SAE1: variants seen among roughly 807,000 people sequenced by gnomAD.
The protein encoded by SAE1 is SUMO-activating enzyme subunit 1.
A neutral mutation model predicts 40.6 loss-of-function variants in SAE1; 11 were observed. That is an observed-to-expected ratio of 0.27 (90% confidence interval 0.17 to 0.45). The LOEUF is 0.45. SAE1 is among the 20% of genes least tolerant of loss of function. The pLI is 1.00. For synonymous variants in SAE1, 155 were observed against 154.3 expected, an observed-to-expected ratio of 1.00 and a Z score of -0.03; for missense variants, 373 against 427.3, an observed-to-expected ratio of 0.87 and a Z score of 1.12.
chr19:47,150,315 G>C lies in SAE1; in HGVS notation c.324G>C (p.Val108=). 6.2e-7 allele frequency: 1 copy of C among 1,613,830 alleles called. No individual in the cohort carries two copies. Among genetic ancestry groups the C allele is most frequent in the Non-Finnish European group, 8.5e-7 (1 of 1,179,850 alleles). Residue 108 remains valine (V), a synonymous_variant, in exon 3 of 9, where the codon GTG becomes GTC. Coordinates refer to ENST00000270225, the MANE Select transcript of SAE1 (RefSeq NM_005500.3). ...RAQNLNPMVD[V]KVDTEDIEKK... is the part of the protein sequence containing the mutation. Reference sequence around the variant, plus strand: ...AGAATCTCAACCCCATGGTGGATGTGAAGGTGGACACTGAGGATATAGAGA... The same window carrying C: ...AGAATCTCAACCCCATGGTGGATGTCAAGGTGGACACTGAGGATATAGAGA...
intron 7 of SAE1, among the ~76,000 whole-genome samples, chr19:47,201,572 A>G (rs2058655666): frequency 6.6e-6 from 1 of 151,646 alleles, no homozygotes; most frequent in African/African-American, 2.4e-5. Context: ...GGGTTTCACC[A>G]TATTGGCCAG....
At position 47,173,637 on chromosome 19, in the gene SAE1, C is replaced by CCT. The variant is rs2058448897; in HGVS notation, c.733+3717_733+3718dup. On this transcript the variant is annotated intron_variant, in intron 6 of 8. Transcript: ENST00000270225. ...GTGGGATATTTAGTAACACCCCTAT[C>CCT]CTCTACTCACTAGATGCCAGTAATA... is the stretch of plus-strand genomic sequence containing the variant. Among the ~76,000 whole-genome samples the CCT allele has an allele frequency of 3.3e-5, 5 of 152,240 alleles. No individual in the cohort carries two copies. In the South Asian group the frequency reaches 1.0e-3, roughly 32 times the overall value.
At chr19:47,173,714 A>G (rs1311578585) in intron 6 of SAE1, among the ~76,000 whole-genome samples, 8 of 151,714 alleles carry the variant, frequency 5.3e-5, no homozygotes, top group African/African-American at 1.7e-4. Flanking sequence ...CCACTGCCAC[A>G]TGTCCCCAGT....
At chr19:47,195,617 G>C (rs1568608309) in intron 6 of SAE1, among the ~76,000 whole-genome samples, 2 of 151,970 alleles carry the variant, frequency 1.3e-5, no homozygotes, top group Non-Finnish European at 2.9e-5. Flanking sequence ...GTCCTGCCTA[G>C]AATGTGTACC....
At chr19:47,193,057 C>CTTTTTTT (rs869046931) in intron 6 of SAE1, among the ~76,000 whole-genome samples, 6 of 137,024 alleles carry the variant, frequency 4.4e-5, no homozygotes, top group Admixed American at 3.7e-4. Context: ...TGGTCACAGC[C>CTTTTTTT]TTTTTTTTTT....
chr19:47,133,007 G>A (rs867841547), intron 1 of SAE1, among the ~76,000 whole-genome samples: 1 of 152,164 alleles, frequency 6.6e-6, no homozygotes, highest in Non-Finnish European at 1.5e-5. Flanking sequence ...GTAACATTGA[G>A]CCTCAGACTT....
At chr19:47,208,501 C>T (rs190067417) in intron 8 of SAE1, among the ~76,000 whole-genome samples, 3 of 152,116 alleles carry the variant, frequency 2.0e-5, no homozygotes, top group African/African-American at 2.4e-5. Context: ...AGTGCGGTGG[C>T]GCAATCTCAG....
intron 6 of SAE1, among the ~76,000 whole-genome samples, chr19:47,195,274 C>T (rs1217428543): frequency 2.0e-5 from 3 of 152,208 alleles, no homozygotes; most frequent in African/African-American, 4.8e-5. Flanking sequence ...AGGTTGGTCT[C>T]GAACTCCTGA....
chr19:47,171,161 G>T (rs1168191489), intron 6 of SAE1, among the ~76,000 whole-genome samples: 1 of 151,820 alleles, frequency 6.6e-6, no homozygotes, highest in African/African-American at 2.4e-5. Context: ...TTTTAGTAGA[G>T]ACAGGGTTTC....
chr19:47,187,833 C>T (rs1052089887), intron 6 of SAE1, among the ~76,000 whole-genome samples: 7 of 152,126 alleles, frequency 4.6e-5, no homozygotes, highest in African/African-American at 1.4e-4. Context: ...CTGGATTGCC[C>T]GGCCTGTGTC....
intron 6 of SAE1, among the ~76,000 whole-genome samples, chr19:47,187,958 T>C (rs529302556): frequency 1.3e-5 from 2 of 152,286 alleles, no homozygotes; most frequent in East Asian, 3.9e-4. Flanking sequence ...GTGTTCAGTA[T>C]AGAGTAGTGA....
At chr19:47,170,503 C>CCTT (rs2058424116) in intron 6 of SAE1, among the ~76,000 whole-genome samples, 2 of 83,910 alleles carry the variant, frequency 2.4e-5, no homozygotes, top group Admixed American at 1.6e-4. Flanking sequence ...CGCCCCCCGC[C>CCTT]TTTTTTTTTT....
intron 6 of SAE1, among the ~76,000 whole-genome samples, chr19:47,194,871 T>G (rs1295336722): frequency 6.6e-6 from 1 of 151,216 alleles, no homozygotes; most frequent in African/African-American, 2.4e-5. Context: ...GCCTCCCAAG[T>G]ACCTGGGACT....
chr19:47,192,234 T>TTTG (rs754878820), intron 6 of SAE1, among the ~76,000 whole-genome samples: 16 of 151,344 alleles, frequency 1.1e-4, no homozygotes, highest in African/African-American at 2.2e-4. Flanking sequence ...TTCCTACTGG[T>TTTG]TTGTTGTTGT....
chr19:47,175,004 C>T (rs547517695), intron 6 of SAE1, among the ~76,000 whole-genome samples: 6 of 152,018 alleles, frequency 3.9e-5, no homozygotes, highest in South Asian at 2.1e-4. Context: ...GCACCGTGCC[C>T]GGCAGTGAGA....
At chr19:47,178,675 G>A (rs1281970061) in intron 6 of SAE1, among the ~76,000 whole-genome samples, 1 of 152,168 alleles carries the variant, frequency 6.6e-6, no homozygotes, top group Non-Finnish European at 1.5e-5. Flanking sequence ...GTTTCGCCAT[G>A]TTGGCCAGGC....
chr19:47,181,052 C>A (rs920384950), intron 6 of SAE1, among the ~76,000 whole-genome samples: 1 of 152,134 alleles, frequency 6.6e-6, no homozygotes. Flanking sequence ...CGTGGTGGCT[C>A]ACGCCTATAA....
chr19:47,169,203 G>T (rs960387054), intron 5 of SAE1, among the ~76,000 whole-genome samples: 9 of 152,112 alleles, frequency 5.9e-5, no homozygotes, highest in African/African-American at 1.9e-4. Flanking sequence ...GCCCCTCATT[G>T]TGGAAGTATT....
At chr19:47,185,941 A>G (rs2058541394) in intron 6 of SAE1, among the ~76,000 whole-genome samples, 1 of 151,304 alleles carries the variant, frequency 6.6e-6, no homozygotes, top group African/African-American at 2.4e-5. Context: ...CATAACACTC[A>G]AAAAAATGCT....
Sources: gnomAD v4.1 joint callset for allele counts (sites outside exome capture counted in the v4.1 genomes callset) on GRCh38, gnomAD v4.1.1 for gene constraint, MANE v1.5 for transcripts, NCBI Gene and HGNC (gene_info 2026-07-23, HGNC 2026-07-21) for gene names.